LARGE1: variants seen among roughly 807,000 people sequenced by gnomAD.
LARGE1 encodes xylosyl- and glucuronyltransferase LARGE1.
In LARGE1, 43 loss-of-function variants were observed where a neutral mutation model predicts 87.6. The observed-to-expected ratio is 0.49, with a 90% CI of 0.38 to 0.63. The LOEUF is 0.63. LARGE1 is among the 30% of genes least tolerant of loss of function. LARGE1 has a pLI of 0.00. For synonymous variants in LARGE1, 434 were observed against 394.6 expected (o/e 1.10, Z -1.18); for missense variants, 802 against 1,000.2 (o/e 0.80, Z 2.67).
rs796326174 is a variant in LARGE1, at chr22:33,784,216, T to TA, written c.-82-22659_-82-22658insT. On this transcript the variant is annotated intron_variant, in intron 1 of 14. Coordinates refer to ENST00000397394, the MANE Select transcript of LARGE1 (RefSeq NM_133642.5). ...ATAACATTACGACTTGCAGTAGTAT[T>TA]TTCTATCATATACTGAGCAGTATCT... Among the ~76,000 whole-genome samples the TA allele has an allele frequency of 1.2e-4, 18 of 152,332 alleles. 1 individual carries two copies. Among genetic ancestry groups the TA allele is most frequent in the African/African-American group, 4.3e-4 (18 of 41,574 alleles).
chr22:33,374,106 C>T (rs937759116), intron 9 of LARGE1, among the ~76,000 whole-genome samples: 6 of 152,064 alleles, frequency 3.9e-5, no homozygotes, highest in African/African-American at 1.4e-4. Context: ...AGAAACTTCC[C>T]GTGCTATTAC....
chr22:33,421,876 A>T (rs1267341877), intron 7 of LARGE1, among the ~76,000 whole-genome samples: 3 of 152,224 alleles, frequency 2.0e-5, no homozygotes, highest in African/African-American at 7.2e-5. Flanking sequence ...ATTCTCTGTG[A>T]ATCCAGGAGG....
intron 9 of LARGE1, among the ~76,000 whole-genome samples, chr22:33,352,555 A>G (rs1299612846): frequency 2.6e-5 from 4 of 152,040 alleles, no homozygotes; most frequent in African/African-American, 4.8e-5. Context: ...GGAGTTTAAG[A>G]CCAGCCTGGC....
intron 5 of LARGE1, among the ~76,000 whole-genome samples, chr22:33,572,687 T>C (rs998663456): frequency 5.3e-5 from 8 of 151,756 alleles, no homozygotes; most frequent in Admixed American, 3.9e-4. Context: ...CCAGCCAACA[T>C]GGTACAACCC....
intron 6 of LARGE1, among the ~76,000 whole-genome samples, chr22:33,532,989 C>A (rs1030306045): frequency 1.3e-5 from 2 of 152,142 alleles, no homozygotes; most frequent in African/African-American, 4.8e-5. Context: ...TGTTTGATTT[C>A]ATGGTCTTTC....
At chr22:33,512,020 T>C (rs886906122) in intron 6 of LARGE1, among the ~76,000 whole-genome samples, 6 of 152,216 alleles carry the variant, frequency 3.9e-5, no homozygotes, top group African/African-American at 1.2e-4. Flanking sequence ...ATGATTTTTT[T>C]CCTTGTTCTT....
intron 1 of LARGE1, among the ~76,000 whole-genome samples, chr22:33,904,997 C>T (rs951355999): frequency 1.3e-5 from 2 of 151,278 alleles, no homozygotes; most frequent in Non-Finnish European, 2.9e-5. Context: ...AAAAATTACC[C>T]ACTCCAAACT....
chr22:33,776,699 G>C (rs1428461268), intron 1 of LARGE1, among the ~76,000 whole-genome samples: 1 of 152,136 alleles, frequency 6.6e-6, no homozygotes, highest in Non-Finnish European at 1.5e-5. Context: ...GACCAATACT[G>C]GGAAATGCAC....
chr22:33,645,917 C>T (rs564201869), intron 3 of LARGE1, among the ~76,000 whole-genome samples: 60 of 152,100 alleles, frequency 3.9e-4, no homozygotes, highest in South Asian at 1.5e-3. Context: ...GTTGGAATGG[C>T]GATCATTAAA....
Position 33,893,480 on chromosome 22 carries a change from T to G in LARGE1, c.-83+26515A>C, listed in dbSNP as rs2065056807. Among the ~76,000 whole-genome samples the G allele has an allele frequency of 1.3e-5, 2 of 152,284 alleles. 1 individual carries two copies. Among genetic ancestry groups the G allele is most frequent in the Middle Eastern group, 6.8e-3 (2 of 294 alleles). ...GAAACCCTGCCGTCATCAGCTCACA[T>G]TCAGATAAACGCACAGCATATTAAC... On this transcript the variant is annotated intron_variant, in intron 1 of 14. Coordinates refer to ENST00000397394, the MANE Select transcript of LARGE1 (RefSeq NM_133642.5).
At chr22:33,121,158 G>A in the LARGE1 span, among the ~76,000 whole-genome samples, 1 of 152,040 alleles carries the variant, frequency 6.6e-6, no homozygotes, top group Non-Finnish European at 1.5e-5. Flanking sequence ...ACATCTAATT[G>A]TTGTTCCAAG....
At chr22:33,689,047 C>A (rs1167782264) in intron 2 of LARGE1, among the ~76,000 whole-genome samples, 1 of 152,008 alleles carries the variant, frequency 6.6e-6, no homozygotes, top group Non-Finnish European at 1.5e-5. Flanking sequence ...CGCTTCAGGC[C>A]AGTAAATTAA....
intron 2 of LARGE1, among the ~76,000 whole-genome samples, chr22:33,708,145 C>G (rs2149392435): frequency 6.6e-6 from 1 of 152,194 alleles, no homozygotes; most frequent in South Asian, 2.1e-4. Flanking sequence ...GCACCTATCC[C>G]AGAGGAGAAA....
chr22:33,861,237 C>G (rs1601799203), intron 1 of LARGE1, among the ~76,000 whole-genome samples: 1 of 152,120 alleles, frequency 6.6e-6, no homozygotes, highest in East Asian at 1.9e-4. Context: ...GAGGAGGTAA[C>G]AGCTAACTCG....
At chr22:33,288,228 T>A (rs1006310814) in intron 12 of LARGE1, among the ~76,000 whole-genome samples, 3 of 152,212 alleles carry the variant, frequency 2.0e-5, no homozygotes, top group African/African-American at 7.2e-5. Context: ...TACAATCAGT[T>A]ACCTTTAAGG....
chr22:33,234,583 C>T (rs1926163516), intron 11 of LARGE1, among the ~76,000 whole-genome samples: 1 of 152,028 alleles, frequency 6.6e-6, no homozygotes, highest in African/African-American at 2.4e-5. Context: ...CTCTTGCTGC[C>T]CAGGCTGGAG....
intron 1 of LARGE1, among the ~76,000 whole-genome samples, chr22:33,785,123 G>GTGTATACATA (rs1569445874): frequency 3.3e-4 from 12 of 35,922 alleles, no homozygotes; most frequent in East Asian, 1.0e-3. Context: ...ATGTGTATAT[G>GTGTATACATA]CATATATGTG....
intron 6 of LARGE1, among the ~76,000 whole-genome samples, chr22:33,520,489 G>A (rs1329407194): frequency 6.6e-6 from 1 of 152,144 alleles, no homozygotes; most frequent in Non-Finnish European, 1.5e-5. Flanking sequence ...CACGGGAGGG[G>A]ACTCTGAACT....
intron 7 of LARGE1, among the ~76,000 whole-genome samples, chr22:33,399,221 G>A (rs1159049155): frequency 1.3e-5 from 2 of 151,876 alleles, no homozygotes; most frequent in Admixed American, 6.6e-5. Context: ...TCACTTACGA[G>A]TGAGAACAGG....
Sources: gnomAD v4.1 joint callset for allele counts (sites outside exome capture counted in the v4.1 genomes callset) on GRCh38, gnomAD v4.1.1 for gene constraint, MANE v1.5 for transcripts, NCBI Gene and HGNC (gene_info 2026-07-23, HGNC 2026-07-21) for gene names.